Variants in SLFN11 observed in about 807,000 individuals in gnomAD.
SLFN11 encodes the protein schlafen family member 11.
Under a neutral mutation model 53.4 loss-of-function variants are expected in SLFN11, and 43 were observed. The observed-to-expected ratio is 0.80, with a 90% CI of 0.63 to 1.04. SLFN11 has a LOEUF of 1.04. SLFN11 is among the 50% of genes least tolerant of loss of function. SLFN11 has a pLI of 0.00. For missense variants in SLFN11, 990 were observed against 1,079.1 expected, an observed-to-expected ratio of 0.92 and a Z score of 1.16; for synonymous variants, 389 against 394.7, an observed-to-expected ratio of 0.99 and a Z score of 0.17.
chr17:35,356,674 C>A (rs2141940838), intron 5 of SLFN11, among the ~76,000 whole-genome samples: 2 of 151,946 alleles, frequency 1.3e-5, no homozygotes, highest in South Asian at 4.2e-4. Flanking sequence ...ATGGATGTAC[C>A]ATATCTTGTT....
chr17:35,362,892 C>T lies in SLFN11; in HGVS notation c.916G>A (p.Gly306Arg), dbSNP rs757338088. 6.2e-7 allele frequency: 1 copy of T among 1,613,886 alleles called. No homozygotes were observed. The highest frequency in any genetic ancestry group is 8.5e-7 in the Non-Finnish European group (1 of 1,179,926). ...ATGCAAGCATAGCCATAGAGCTCTC[C>T]CCTTTTTAACACATTCACAATTTTG... ...TLKIVNVLKR[G>R]ELYGYACMIR... The change falls in exon 4 of 7, where the codon GGA (glycine) becomes AGA (arginine). Residue 306 changes from glycine (G) to arginine (R), a missense_variant. Coordinates refer to ENST00000685675, the MANE Select transcript of SLFN11 (RefSeq NM_001376007.1).
At chr17:35,358,678 T>C (rs973373125) in intron 5 of SLFN11, among the ~76,000 whole-genome samples, 15 of 152,120 alleles carry the variant, frequency 9.9e-5, no homozygotes, top group Admixed American at 3.3e-4. Context: ...TTTATTTGCA[T>C]AGATACACAG....
chr17:35,363,933 C>G (rs1908617610), intron 3 of SLFN11, 107 bp from the exon 4 acceptor site: 2 of 822,866 alleles, frequency 2.4e-6, no homozygotes, highest in Admixed American at 3.2e-5. Flanking sequence ...GCAAGCAAGA[C>G]AGGAGCAATC....
At position 35,354,027 on chromosome 17, in the gene SLFN11, ACT is replaced by A; in HGVS notation, c.1229_1230del (p.Glu410ValfsTer19). ...TCTGAGATCAGGTCCCTCCAGAGTG[ACT>A]CTGGAGTATATCGCAAATATCCTGG... ...VPPGYLRYTP[E>X]SLWRDLISEH... On this transcript the variant is annotated frameshift_variant, in exon 6 of 7. Transcript: ENST00000685675. LOFTEE classifies it high-confidence loss of function. 1 of 1,612,676 alleles carries A rather than the reference ACT, an allele frequency of 6.2e-7. No individual in the cohort carries two copies. Among genetic ancestry groups the A allele is most frequent in the East Asian group, 2.2e-5 (1 of 44,884 alleles).
chr17:35,354,200 T>A lies in SLFN11; in HGVS notation c.1199-141A>T. On this transcript the variant is annotated intron_variant, in intron 5 of 6. Coordinates refer to ENST00000685675, the MANE Select transcript of SLFN11 (RefSeq NM_001376007.1). ...CTATTTTATAAATATTATTATATTA[T>A]AGTTATAAAGGAAAAGAACCCTTGG... The A allele has an allele frequency of 4.6e-6, 3 of 650,606 alleles. No individual in the cohort carries two copies. The South Asian group carries it at 2.0e-4, about 43-fold the overall frequency. 40.3% of individuals were successfully genotyped at this position (650,606 alleles called of 1,614,324 possible). A position where few individuals can be genotyped will look rare whatever the true frequency, so the allele number is the denominator to read the frequency against.
At position 35,353,811 on chromosome 17, in the gene SLFN11, C is replaced by T. The variant is rs1327444481; in HGVS notation, c.1447G>A (p.Gly483Ser). 7 of 1,589,690 alleles carry T rather than the reference C, an allele frequency of 4.4e-6. No homozygotes were observed. The highest frequency in any genetic ancestry group is 6.0e-6 in the Non-Finnish European group (7 of 1,166,146). The change falls in exon 6 of 7, where the codon GGC becomes AGC. Residue 483 changes from glycine (G) to serine (S), a missense_variant. Gly to Ser is a moderately conservative substitution (Grantham distance 56, BLOSUM62 0). This residue lies in a region of SLFN11 where 156 missense variants were observed against 241.9 expected (regional missense o/e 0.64). Coordinates refer to ENST00000685675, the MANE Select transcript of SLFN11 (RefSeq NM_001376007.1). ...GCGGTGCGAGTGCAGTAGTCCTGGC[C>T]CTCTGCATCTTGCTCCCTGAGAATG... ...YTILREQDAE[G>S]QDYCTRTAFT...
rs533472058 is a variant in SLFN11, at chr17:35,363,170, A to G, written c.638T>C (p.Val213Ala). The change falls in exon 4 of 7, where the codon GTA becomes GCA. Residue 213 changes from valine (V) to alanine (A), a missense_variant. Transcript: ENST00000685675. The part of the protein sequence containing the change: ...EILPFPESQL[V>A]EFKQFSTKHF... ...TTTTGTAGAGAACTGTTTAAACTCT[A>G]CTAACTGAGACTCAGGAAAAGGCAG... 1 of 1,613,908 alleles carries G rather than the reference A, an allele frequency of 6.2e-7. No homozygotes were observed. Among genetic ancestry groups the G allele is most frequent in the Non-Finnish European group, 8.5e-7 (1 of 1,180,004 alleles).
chr17:35,371,171 C>G (rs1909604700), intron 1 of SLFN11, among the ~76,000 whole-genome samples: 1 of 151,852 alleles, frequency 6.6e-6, no homozygotes, highest in African/African-American at 2.4e-5. Context: ...AATACACACA[C>G]CTAAAGTGAA....
At chr17:35,364,507 T>TA (rs1389239652) in intron 3 of SLFN11, among the ~76,000 whole-genome samples, 1 of 152,094 alleles carries the variant, frequency 6.6e-6, no homozygotes, top group African/African-American at 2.4e-5. Flanking sequence ...TTAGGTTTAG[T>TA]AAAATTAAGG....
At position 35,351,845 on chromosome 17, in the gene SLFN11, C is replaced by A. The variant is rs1478312246; in HGVS notation, c.*511G>T. ...TGACAGTGACTGAATTATCTTCGGACTCTCCCAAGCCCTAAATGAATACAG... is the reference window on the plus strand; with the variant it reads ...TGACAGTGACTGAATTATCTTCGGAATCTCCCAAGCCCTAAATGAATACAG... On this transcript the variant is annotated 3_prime_UTR_variant, in exon 7 of 7. Coordinates refer to ENST00000685675, the MANE Select transcript of SLFN11 (RefSeq NM_001376007.1). 1 of 154,594 alleles carries A rather than the reference C, an allele frequency of 6.5e-6. No homozygotes were observed. Among genetic ancestry groups the A allele is most frequent in the Non-Finnish European group, 1.4e-5 (1 of 69,742 alleles). 9.6% of individuals were successfully genotyped at this position (154,594 alleles called of 1,614,324 possible). A position where few individuals can be genotyped will look rare whatever the true frequency, so the allele number is the denominator to read the frequency against.
In SLFN11 at chr17:35,353,329, T is replaced by C. The variant is rs771750166; in HGVS notation, c.1922+7A>G. On this transcript the variant is annotated splice_region_variant and intron_variant, in intron 6 of 6. Transcript: ENST00000685675. ...AATACTTAGAGACGTAAGATCCAAC[T>C]GCTTACCTGATAAAGTTCCTCAGAG... 1 of 1,613,804 alleles carries C rather than the reference T, an allele frequency of 6.2e-7. No individual in the cohort carries two copies.
chr17:35,356,772 G>A (rs1907530615), intron 5 of SLFN11, among the ~76,000 whole-genome samples: 1 of 146,640 alleles, frequency 6.8e-6, no homozygotes, highest in African/African-American at 2.6e-5. Context: ...TTGTATGTTT[G>A]GTGTGTATGT....
In SLFN11 at chr17:35,363,391, A is replaced by G; in HGVS notation, c.417T>C (p.Ser139=). 1.9e-6 allele frequency: 3 copies of G among 1,614,034 alleles called. No homozygotes were observed. The highest frequency in any genetic ancestry group is 2.2e-5 in the South Asian group (2 of 91,092). Residue 139 remains serine, a synonymous_variant, in exon 4 of 7, where the codon TCT becomes TCC. Transcript: ENST00000685675. ...SSSLYRRSET[S]VRSMDSREAF... is the part of the protein sequence containing the mutation. ...CCTCTCTTGAGTCCATGGAACGCAC[A>G]GAGGTCTCAGATCTACGGTATAATG...
Position 35,350,885 on chromosome 17 carries a change from T to C in SLFN11, c.*1471A>G, listed in dbSNP as rs1906589298. 6.6e-6 allele frequency: 1 copy of C among 152,258 alleles called. No individual in the cohort carries two copies. The highest frequency in any genetic ancestry group is 6.5e-5 in the Admixed American group (1 of 15,288). The allele number at this position is 152,258 out of a possible 1,614,324, so 9.4% of individuals were successfully genotyped here. A position where few individuals can be genotyped will look rare whatever the true frequency, so the allele number is the denominator to read the frequency against. On this transcript the variant is annotated 3_prime_UTR_variant, in exon 7 of 7. Transcript: ENST00000685675. ...ATGATTTCTTAGTTTCCATTAGTTA[T>C]GCAAATATTTTACTGTTAATATTTA...
At chr17:35,357,734 AAT>A (rs1907694535) in intron 5 of SLFN11, among the ~76,000 whole-genome samples, 1 of 145,704 alleles carries the variant, frequency 6.9e-6, no homozygotes. Flanking sequence ...ATATATAAAT[AAT>A]ATATATCATA....
rs552674283 is a variant in SLFN11, at chr17:35,351,223, G to A, written c.*1133C>T. 2.6e-5 allele frequency: 4 copies of A among 152,372 alleles called. No individual in the cohort carries two copies. The highest frequency in any genetic ancestry group is 2.0e-4 in the Admixed American group (3 of 15,304). The allele number at this position is 152,372 out of a possible 1,614,324, so 9.4% of individuals were successfully genotyped here. ...CATGCCCTCTTGTTTGCATGCACAG[G>A]GAGGGAGGGAACAAGCTCTCTGGGG... On this transcript the variant is annotated 3_prime_UTR_variant, in exon 7 of 7. Coordinates refer to ENST00000685675, the MANE Select transcript of SLFN11 (RefSeq NM_001376007.1).
At chr17:35,369,344 G>A (rs941254581) in intron 1 of SLFN11, among the ~76,000 whole-genome samples, 1 of 152,118 alleles carries the variant, frequency 6.6e-6, no homozygotes, top group Non-Finnish European at 1.5e-5. Flanking sequence ...TGAACCCGTG[G>A]TTGTGTTGGC....
intron 5 of SLFN11, among the ~76,000 whole-genome samples, chr17:35,357,784 T>A (rs927098128): frequency 7.0e-6 from 1 of 143,140 alleles, no homozygotes; most frequent in Non-Finnish European, 1.5e-5. Context: ...AAATATGAAA[T>A]AATAAACATA....
rs1010541525 is a variant in SLFN11, at chr17:35,351,371, T to G, written c.*985A>C. 6.6e-6 allele frequency: 1 copy of G among 152,072 alleles called. No homozygotes were observed. The highest frequency in any genetic ancestry group is 2.4e-5 in the African/African-American group (1 of 41,400). 9.4% of individuals were successfully genotyped at this position (152,072 alleles called of 1,614,324 possible). ...AGGTTGGGGCTTCAACACGGGAATT[T>G]GGGGGTGAAGGGTGGGACACAAACA... On this transcript the variant is annotated 3_prime_UTR_variant, in exon 7 of 7. Transcript: ENST00000685675.
Sources: gnomAD v4.1 joint callset for allele counts (sites outside exome capture counted in the v4.1 genomes callset) on GRCh38, gnomAD v4.1.1 for gene constraint, gnomAD v4.1.1 regional missense constraint, MANE v1.5 for transcripts, NCBI Gene and HGNC (gene_info 2026-07-23, HGNC 2026-07-21) for gene names.